Variants in SPOCK1 observed in about 807,000 individuals in gnomAD.
SPOCK1 encodes the protein SPARC (osteonectin), cwcv and kazal like domains proteoglycan 1.
A neutral mutation model predicts 55.3 loss-of-function variants in SPOCK1; 23 were observed. The ratio of observed to expected loss-of-function variants is 0.42; its 90% CI spans 0.30 to 0.59. SPOCK1 has a LOEUF of 0.59. Among genes scored for constraint, SPOCK1 ranks in the 20% least tolerant of loss-of-function variants. SPOCK1 has a pLI of 0.22. For synonymous variants in SPOCK1, 226 were observed against 221.0 expected, an observed-to-expected ratio of 1.02 and a Z score of -0.20; for missense variants, 499 against 552.5, an observed-to-expected ratio of 0.90 and a Z score of 0.97.
chr5:137,041,039 G>A (rs1271373223), intron 6 of SPOCK1, among the ~76,000 whole-genome samples: 1 of 152,118 alleles, frequency 6.6e-6, no homozygotes, highest in Non-Finnish European at 1.5e-5. Flanking sequence ...TTTTTAAAAA[G>A]AGCATTGTAA....
At chr5:137,161,664 C>A (rs184304442) in intron 3 of SPOCK1, among the ~76,000 whole-genome samples, 1 of 151,920 alleles carries the variant, frequency 6.6e-6, no homozygotes, top group Admixed American at 6.6e-5. Flanking sequence ...CTTTTGCTGA[C>A]GAAATGTTAT....
chr5:137,235,439 A>G (rs1315562123), intron 3 of SPOCK1, among the ~76,000 whole-genome samples: 1 of 152,250 alleles, frequency 6.6e-6, no homozygotes, highest in East Asian at 1.9e-4. Flanking sequence ...GCCTTATTTC[A>G]ACCACTAGTT....
chr5:137,337,139 A>C (rs17703588), intron 2 of SPOCK1, among the ~76,000 whole-genome samples: 5,068 of 152,290 alleles, frequency 0.033, 129 homozygotes, highest in East Asian at 0.081. Flanking sequence ...CCTTTTGCAA[A>C]AAGTAATTCT....
chr5:137,426,726 G>GTTAT (rs1301013762), intron 2 of SPOCK1, among the ~76,000 whole-genome samples: 2 of 152,140 alleles, frequency 1.3e-5, no homozygotes, highest in Non-Finnish European at 2.9e-5. Context: ...GTGCCACCCA[G>GTTAT]TTATTTCTGG....
At chr5:137,119,067 G>A (rs1055593303) in intron 4 of SPOCK1, among the ~76,000 whole-genome samples, 8 of 152,118 alleles carry the variant, frequency 5.3e-5, no homozygotes, top group African/African-American at 1.7e-4. Flanking sequence ...CCTAGTAACT[G>A]GACCTTCTTT....
chr5:137,452,960 C>A (rs982103337), intron 2 of SPOCK1, among the ~76,000 whole-genome samples: 4 of 152,188 alleles, frequency 2.6e-5, no homozygotes, highest in Non-Finnish European at 5.9e-5. Context: ...AGGGCACTAG[C>A]ACCCTAAGAA....
intron 4 of SPOCK1, among the ~76,000 whole-genome samples, chr5:137,134,275 A>C (rs964289104): frequency 6.6e-6 from 1 of 152,244 alleles, no homozygotes; most frequent in Non-Finnish European, 1.5e-5. Context: ...GTCAGTAAGC[A>C]GCAACCTTGA....
intron 4 of SPOCK1, among the ~76,000 whole-genome samples, chr5:137,138,896 T>C (rs1199944589): frequency 6.6e-6 from 1 of 152,148 alleles, no homozygotes; most frequent in South Asian, 2.1e-4. Context: ...CAACATATTG[T>C]AGTAGTGAAA....
At chr5:137,176,502 ATGTGTG>A (rs10527760) in intron 3 of SPOCK1, among the ~76,000 whole-genome samples, 1,988 of 150,404 alleles carry the variant, frequency 0.013, 44 homozygotes, top group African/African-American at 0.045. Flanking sequence ...CCCCACCACA[ATGTGTG>A]TGTGTGTGTG....
chr5:137,000,260 G>A (rs1042898369), intron 6 of SPOCK1, among the ~76,000 whole-genome samples: 1 of 152,162 alleles, frequency 6.6e-6, no homozygotes, highest in Non-Finnish European at 1.5e-5. Flanking sequence ...CTGGATCAAC[G>A]TGCTCAGAGT....
intron 2 of SPOCK1, among the ~76,000 whole-genome samples, chr5:137,298,716 A>C (rs1451928035): frequency 6.6e-6 from 1 of 152,130 alleles, no homozygotes; most frequent in Non-Finnish European, 1.5e-5. Flanking sequence ...TTTCTGGGTG[A>C]ACTGACTCTT....
intron 2 of SPOCK1, among the ~76,000 whole-genome samples, chr5:137,471,546 A>T (rs1220878952): frequency 2.0e-5 from 3 of 152,204 alleles, no homozygotes; most frequent in Non-Finnish European, 4.4e-5. Context: ...TGCCAGAATC[A>T]AGAGAAAGAT....
chr5:137,356,828 T>G (rs867146535), intron 2 of SPOCK1, among the ~76,000 whole-genome samples: 167 of 14,848 alleles, frequency 0.011, 3 homozygotes, highest in African/African-American at 0.025. Flanking sequence ...TATATATATA[T>G]ATATATATAT....
intron 2 of SPOCK1, among the ~76,000 whole-genome samples, chr5:137,269,958 T>C (rs1756929605): frequency 6.6e-6 from 1 of 152,208 alleles, no homozygotes. Context: ...AAACATATTG[T>C]ATCTATTTTA....
chr5:137,051,699 A>T (rs941851467), intron 6 of SPOCK1, among the ~76,000 whole-genome samples: 1 of 152,188 alleles, frequency 6.6e-6, no homozygotes, highest in Admixed American at 6.5e-5. Flanking sequence ...AACCTGAGAA[A>T]CTATTGAGAA....
At chr5:137,223,534 A>C (rs760255720) in intron 3 of SPOCK1, among the ~76,000 whole-genome samples, 23 of 152,176 alleles carry the variant, frequency 1.5e-4, no homozygotes, top group Non-Finnish European at 2.8e-4. Context: ...CATCCATCTG[A>C]GACTAATGAT....
chr5:137,302,446 A>G lies in SPOCK1; in HGVS notation c.187-35391T>C, dbSNP rs573934816. Among the ~76,000 whole-genome samples the G allele has an allele frequency of 9.1e-4, 137 of 150,538 alleles. No individual in the cohort carries two copies. The East Asian group carries it at 0.011, about 12-fold the overall frequency. ...AAAAAAATTAGCCAGGTGTGGTGGC[A>G]CGCACCTGTAGTCCCAGCTACTCGG... On this transcript the variant is annotated intron_variant, in intron 2 of 10. Transcript: ENST00000394945.
chr5:137,078,053 G>A (rs1426655920), intron 5 of SPOCK1, among the ~76,000 whole-genome samples: 1 of 152,164 alleles, frequency 6.6e-6, no homozygotes, highest in Non-Finnish European at 1.5e-5. Flanking sequence ...CAGAGGAGAG[G>A]AGGGAAGAAA....
intron 2 of SPOCK1, among the ~76,000 whole-genome samples, chr5:137,459,080 C>T (rs1436542644): frequency 6.6e-6 from 1 of 152,176 alleles, no homozygotes; most frequent in Non-Finnish European, 1.5e-5. Context: ...AAGTCCAATG[C>T]CCTATATCGA....
Sources: gnomAD v4.1 joint callset for allele counts (sites outside exome capture counted in the v4.1 genomes callset) on GRCh38, gnomAD v4.1.1 for gene constraint, MANE v1.5 for transcripts, NCBI Gene and HGNC (gene_info 2026-07-23, HGNC 2026-07-21) for gene names.